The following CTTNBP2NL variants were observed in gnomAD, a reference collection of about 807,000 sequenced individuals.
CTTNBP2NL encodes CTTNBP2 N-terminal like.
In CTTNBP2NL, 16 loss-of-function variants were observed where a neutral mutation model predicts 32.5. The ratio of observed to expected loss-of-function variants is 0.49; its 90% confidence interval spans 0.33 to 0.75. CTTNBP2NL has a LOEUF of 0.75. Among genes scored for constraint, CTTNBP2NL ranks in the 30% least tolerant of loss-of-function variants. The probability of loss-of-function intolerance (pLI) is 0.02; values close to 1 mark genes in which losing one functional copy is unlikely to be tolerated. For synonymous variants in CTTNBP2NL, 298 were observed against 289.4 expected (o/e 1.03, Z -0.30); for missense variants, 645 against 756.0 (o/e 0.85, Z 1.72).
chr1:112,451,783 A>AC (rs200031920), intron 4 of CTTNBP2NL, among the ~76,000 whole-genome samples: 19 of 131,596 alleles, frequency 1.4e-4, no homozygotes, highest in East Asian at 1.1e-3. Flanking sequence ...AAAAAAAAAA[A>AC]ACACAAAACA....
At chr1:112,440,906 CTGT>C (rs2101024000) in intron 3 of CTTNBP2NL, among the ~76,000 whole-genome samples, 1 of 121,592 alleles carries the variant, frequency 8.2e-6, no homozygotes, top group South Asian at 3.4e-4. Context: ...GTTAACGTCT[CTGT>C]TGTTTTTGCT....
intron 3 of CTTNBP2NL, among the ~76,000 whole-genome samples, chr1:112,445,558 T>G (rs911773482): frequency 3.9e-5 from 6 of 152,222 alleles, no homozygotes; most frequent in African/African-American, 7.2e-5. Flanking sequence ...CATATTAGAA[T>G]GTACTTAAGA....
intron 1 of CTTNBP2NL, among the ~76,000 whole-genome samples, chr1:112,408,353 T>C (rs547353308): frequency 6.6e-6 from 1 of 152,012 alleles, no homozygotes; most frequent in Admixed American, 6.6e-5. Flanking sequence ...AGAAAATTAT[T>C]TTCTAGTGGC....
At chr1:112,398,817 C>CAAAAAAAA (rs3033224) in intron 1 of CTTNBP2NL, among the ~76,000 whole-genome samples, 1 of 93,600 alleles carries the variant, frequency 1.1e-5, no homozygotes, top group Non-Finnish European at 2.3e-5. Flanking sequence ...TGTCTCTTAA[C>CAAAAAAAA]AAAAAAAAAA....
chr1:112,407,707 A>G (rs1377771501), intron 1 of CTTNBP2NL, among the ~76,000 whole-genome samples: 2 of 152,088 alleles, frequency 1.3e-5, no homozygotes, highest in African/African-American at 4.8e-5. Context: ...AATATCTTTC[A>G]CCTTCATCTG....
At chr1:112,445,148 C>T (rs915826778) in intron 3 of CTTNBP2NL, among the ~76,000 whole-genome samples, 14 of 152,196 alleles carry the variant, frequency 9.2e-5, no homozygotes, top group South Asian at 2.1e-4. Context: ...CAGTCCCAGT[C>T]ATGGCTTCAG....
intron 3 of CTTNBP2NL, among the ~76,000 whole-genome samples, chr1:112,421,162 G>A (rs1649215675): frequency 1.3e-5 from 2 of 151,924 alleles, no homozygotes; most frequent in Admixed American, 1.3e-4. Flanking sequence ...ATAAGGCCAG[G>A]CACTGTGGCT....
In CTTNBP2NL at chr1:112,456,224, C is replaced by T. The variant is rs551998213; in HGVS notation, c.732C>T (p.Ile244=). Residue 244 remains isoleucine, a synonymous_variant, in exon 6 of 6, where the codon ATC becomes ATT. Coordinates refer to ENST00000271277, the MANE Select transcript of CTTNBP2NL (RefSeq NM_018704.3). ...AGAAGCAGTTATCAGAGTTTGACAT[C>T]GAAAGGGAACAACTGAGAGCAAAAC... ...QVEKQLSEFD[I]EREQLRAKLN... 28 of 1,613,966 alleles carry T rather than the reference C, an allele frequency of 1.7e-5. No homozygotes were observed. In the South Asian group the frequency reaches 2.5e-4, roughly 15 times the overall value.
upstream of CTTNBP2NL, among the ~76,000 whole-genome samples, chr1:112,393,270 T>A (rs1226016277): frequency 6.6e-6 from 1 of 152,134 alleles, no homozygotes; most frequent in African/African-American, 2.4e-5. Context: ...AGAACTAGAC[T>A]CCAGATTTTT....
intron 3 of CTTNBP2NL, among the ~76,000 whole-genome samples, chr1:112,422,914 T>C (rs2101008086): frequency 6.6e-6 from 1 of 152,228 alleles, no homozygotes; most frequent in East Asian, 1.9e-4. Context: ...AGCCTCAGCC[T>C]CCCCAGTAGC....
intron 3 of CTTNBP2NL, among the ~76,000 whole-genome samples, chr1:112,442,782 C>T (rs1649934118): frequency 6.6e-6 from 1 of 152,044 alleles, no homozygotes; most frequent in Non-Finnish European, 1.5e-5. Context: ...CCTCCGCCTC[C>T]CATGTTCAAG....
Position 112,416,283 on chromosome 1 carries a change from A to G in CTTNBP2NL, c.99+19A>G. On this transcript the variant is annotated intron_variant, in intron 3 of 5. Coordinates refer to ENST00000271277, the MANE Select transcript of CTTNBP2NL (RefSeq NM_018704.3). ...CTTAAAGGTATGTTAAAAGAAAAAA[A>G]AAAAGAGGTCATCATACATTGTGAA... The G allele has an allele frequency of 2.5e-6, 3 of 1,213,606 alleles. No homozygotes were observed. Among genetic ancestry groups the G allele is most frequent in the Non-Finnish European group, 2.4e-6 (2 of 844,132 alleles). 75.2% of individuals were successfully genotyped at this position (1,213,606 alleles called of 1,614,324 possible). A position where few individuals can be genotyped will look rare whatever the true frequency, so the allele number is the denominator to read the frequency against.
chr1:112,430,658 A>T (rs778088491), intron 3 of CTTNBP2NL, among the ~76,000 whole-genome samples: 3 of 145,328 alleles, frequency 2.1e-5, no homozygotes, highest in Non-Finnish European at 3.0e-5. Context: ...GGTTCAAGTG[A>T]TTCTCCCGCC....
At chr1:112,418,724 A>C (rs906533410) in intron 3 of CTTNBP2NL, among the ~76,000 whole-genome samples, 1 of 152,206 alleles carries the variant, frequency 6.6e-6, no homozygotes, top group Admixed American at 6.5e-5. Context: ...GTTCAGCAGG[A>C]AAGCCTCAGT....
Position 112,416,142 on chromosome 1 carries a change from T to C in CTTNBP2NL, c.-9-15T>C. The C allele has an allele frequency of 7.7e-7, 1 of 1,304,862 alleles. No homozygotes were observed. Among genetic ancestry groups the C allele is most frequent in the South Asian group, 1.2e-5 (1 of 80,478 alleles). 80.8% of individuals were successfully genotyped at this position (1,304,862 alleles called of 1,614,324 possible). ...TATGTCTTTGGAGATTGTCTGATTG[T>C]TACCTTTGTTTCAGGCTTTCAAGAT... is the stretch of plus-strand genomic sequence containing the variant. On this transcript the variant is annotated splice_polypyrimidine_tract_variant and intron_variant, in intron 2 of 5. Transcript: ENST00000271277.
chr1:112,393,007 G>T (rs142158930), upstream of CTTNBP2NL, among the ~76,000 whole-genome samples: 1 of 151,986 alleles, frequency 6.6e-6, no homozygotes, highest in Non-Finnish European at 1.5e-5. Context: ...ACAGGCACCC[G>T]CCACCATGCC....
upstream of CTTNBP2NL, among the ~76,000 whole-genome samples, chr1:112,394,047 A>C (rs1448131012): frequency 6.6e-6 from 1 of 152,086 alleles, no homozygotes; most frequent in African/African-American, 2.4e-5. Flanking sequence ...CTCTACTAAA[A>C]ATATAAAAAT....
In CTTNBP2NL at chr1:112,454,432, T is replaced by G; in HGVS notation, c.331-17T>G. On this transcript the variant is annotated splice_polypyrimidine_tract_variant and intron_variant, in intron 4 of 5. Coordinates refer to ENST00000271277, the MANE Select transcript of CTTNBP2NL (RefSeq NM_018704.3). ...CTCCTTGATATTTGAAAATGAAATT[T>G]AAAAAATTCTTTAAAGGTGATCCTA... 2 of 1,593,806 alleles carry G rather than the reference T, an allele frequency of 1.3e-6. No homozygotes were observed. The highest frequency in any genetic ancestry group is 1.7e-6 in the Non-Finnish European group (2 of 1,164,566).
intron 3 of CTTNBP2NL, among the ~76,000 whole-genome samples, chr1:112,435,280 C>T (rs1441363251): frequency 1.3e-5 from 2 of 151,812 alleles, no homozygotes; most frequent in East Asian, 3.9e-4. Flanking sequence ...TGCTGATAAG[C>T]ATCACAGATT....
Sources: allele counts gnomAD v4.1 joint callset (sites outside exome capture counted in the v4.1 genomes callset), GRCh38; gene constraint gnomAD v4.1.1; transcripts MANE v1.5; gene names NCBI Gene and HGNC (gene_info 2026-07-23, HGNC 2026-07-21).